Variants in KCNH7 observed in about 807,000 individuals in gnomAD.
KCNH7 encodes potassium voltage-gated channel subfamily H member 7, also known as voltage-gated inwardly rectifying potassium channel KCNH7.
In KCNH7, 49 loss-of-function variants were observed where a neutral mutation model predicts 120.8. That is an observed-to-expected ratio of 0.41 (90% confidence interval 0.32 to 0.51). KCNH7 has a LOEUF of 0.51. KCNH7 is among the 20% of genes least tolerant of loss of function. KCNH7 has a pLI of 0.38. For missense variants in KCNH7, 1,097 were observed against 1,446.6 expected (o/e 0.76, Z 3.92); for synonymous variants, 547 against 516.1 (o/e 1.06, Z -0.81).
At chr2:162,424,093 A>G (rs1429518911) in intron 8 of KCNH7, among the ~76,000 whole-genome samples, 1 of 152,158 alleles carries the variant, frequency 6.6e-6, no homozygotes, top group African/African-American at 2.4e-5. Context: ...TTAAGAAACC[A>G]GTTTCCTTAG....
intron 3 of KCNH7, among the ~76,000 whole-genome samples, chr2:162,532,628 A>G (rs781258546): frequency 5.3e-5 from 8 of 151,972 alleles, no homozygotes; most frequent in Non-Finnish European, 1.2e-4. Context: ...CTCTGAAAAT[A>G]TTTTACCCAC....
Position 162,373,588 on chromosome 2 carries a change from G to A in KCNH7, c.3206C>T (p.Pro1069Leu). ...LLQKQTTVVPPAYSMVTAGSE... is the reference protein window; with the variant it reads ...LLQKQTTVVPLAYSMVTAGSE... ...TCCTGCTGTTACCATACTGTAGGCT[G>A]GGGGGACCACAGTGGTTTGTTTCTG... The change falls in exon 15 of 16, where the codon CCA (proline) becomes CTA (leucine). Residue 1069 changes from proline to leucine, a missense_variant. This residue lies in a region of KCNH7 where 406 missense variants were observed against 410.5 expected (regional missense o/e 0.99). Transcript: ENST00000332142. 6.3e-7 allele frequency: 1 copy of A among 1,580,386 alleles called. No homozygotes were observed. The highest frequency in any genetic ancestry group is 8.6e-7 in the Non-Finnish European group (1 of 1,162,674).
In KCNH7 at chr2:162,425,353, G is replaced by T. The variant is rs79010156; in HGVS notation, c.1955-1818C>A. 3.7e-3 allele frequency among the ~76,000 whole-genome samples: 564 copies of T among 152,062 alleles called. 5 individuals are homozygous for T. The highest frequency in any genetic ancestry group is 0.013 in the African/African-American group (544 of 41,446). On this transcript the variant is annotated intron_variant, in intron 8 of 15. Coordinates refer to ENST00000332142, the MANE Select transcript of KCNH7 (RefSeq NM_033272.4). ...TCTGGACTTCCAGACTAATACAGGA[G>T]ATCTCTAGTGAGGCTGAATTGGCAT... is the stretch of plus-strand genomic sequence containing the variant.
At chr2:162,596,604 G>A (rs571111939) in intron 2 of KCNH7, among the ~76,000 whole-genome samples, 194 of 152,120 alleles carry the variant, frequency 1.3e-3, no homozygotes, top group African/African-American at 4.3e-3. Flanking sequence ...TAAACTTCTA[G>A]AAGAAAACAT....
intron 4 of KCNH7, among the ~76,000 whole-genome samples, chr2:162,514,582 T>C (rs865997755): frequency 6.6e-6 from 1 of 151,778 alleles, no homozygotes; most frequent in African/African-American, 2.4e-5. Flanking sequence ...GGAGTAAATA[T>C]TTAGAATCTT....
chr2:162,409,573 C>A (rs953576197), intron 9 of KCNH7, among the ~76,000 whole-genome samples: 2 of 151,736 alleles, frequency 1.3e-5, no homozygotes, highest in Non-Finnish European at 2.9e-5. Context: ...AATCTATAAC[C>A]AGAAGTCCTA....
intron 10 of KCNH7, 21 bp downstream of exon 10, chr2:162,400,168 A>G (rs1209837182): frequency 1.9e-6 from 3 of 1,609,596 alleles, no homozygotes; most frequent in East Asian, 4.5e-5. Context: ...ATCTGTCACC[A>G]TGCACTTCTA....
chr2:162,629,656 C>G (rs911550466), intron 2 of KCNH7, among the ~76,000 whole-genome samples: 1 of 152,002 alleles, frequency 6.6e-6, no homozygotes, highest in African/African-American at 2.4e-5. Flanking sequence ...CACAAGCTCT[C>G]CAAAGCCAAT....
chr2:162,547,131 C>T (rs1692508081), intron 2 of KCNH7, among the ~76,000 whole-genome samples: 1 of 152,044 alleles, frequency 6.6e-6, no homozygotes, highest in Non-Finnish European at 1.5e-5. Flanking sequence ...GCGCGTGTGT[C>T]AGCGGAGGAA....
At chr2:162,492,100 C>T (rs960990913) in intron 6 of KCNH7, among the ~76,000 whole-genome samples, 1 of 152,184 alleles carries the variant, frequency 6.6e-6, no homozygotes, top group African/African-American at 2.4e-5. Flanking sequence ...GACTTCTGGC[C>T]TCCCTCTCCC....
intron 6 of KCNH7, among the ~76,000 whole-genome samples, chr2:162,498,216 T>C (rs1435536103): frequency 1.3e-5 from 2 of 152,086 alleles, no homozygotes; most frequent in East Asian, 3.9e-4. Context: ...TCCTCTTATG[T>C]AATAAAGGCC....
chr2:162,436,602 G>A (rs916172298), intron 7 of KCNH7, among the ~76,000 whole-genome samples: 4 of 151,992 alleles, frequency 2.6e-5, no homozygotes, highest in Non-Finnish European at 5.9e-5. Flanking sequence ...AATTCACAGG[G>A]CATATAATTA....
chr2:162,642,094 T>A (rs141448792), intron 2 of KCNH7, among the ~76,000 whole-genome samples: 2 of 152,222 alleles, frequency 1.3e-5, no homozygotes, highest in African/African-American at 4.8e-5. Context: ...AATAGATAAG[T>A]ATAGAGTACG....
intron 2 of KCNH7, among the ~76,000 whole-genome samples, chr2:162,676,195 C>T (rs1365350890): frequency 1.3e-5 from 2 of 151,422 alleles, no homozygotes; most frequent in African/African-American, 4.8e-5. Context: ...AAAAGGCTAC[C>T]TTCCATGCAG....
In KCNH7 at chr2:162,400,350, G is replaced by GCCC. The variant is rs757276514; in HGVS notation, c.2243_2245dup (p.Gly748dup). The GCCC allele has an allele frequency of 6.2e-7, 1 of 1,612,286 alleles. No homozygotes were observed. The highest frequency in any genetic ancestry group is 1.3e-5 in the African/African-American group (1 of 74,754). Reference sequence around the variant, plus strand: ...CAAAGCTCTAAGGCAACCTTTACTTGCCCCCCGAAAGGCTTTGCAGTTTTG... The same window carrying GCCC: ...CAAAGCTCTAAGGCAACCTTTACTTGCCCCCCCCCGAAAGGCTTTGCAGTTTTG... On this transcript the variant is annotated inframe_insertion, in exon 10 of 16. Transcript: ENST00000332142.
At chr2:162,577,831 G>A (rs1399610432) in intron 2 of KCNH7, among the ~76,000 whole-genome samples, 1 of 151,980 alleles carries the variant, frequency 6.6e-6, no homozygotes, top group East Asian at 1.9e-4. Context: ...ACTATTGTTT[G>A]ATAGAATTTT....
chr2:162,614,740 G>A (rs1230204852), intron 2 of KCNH7, among the ~76,000 whole-genome samples: 4 of 148,436 alleles, frequency 2.7e-5, no homozygotes, highest in Non-Finnish European at 5.9e-5. Flanking sequence ...TTGTAGTGAA[G>A]TATAAAACAT....
At chr2:162,573,518 A>G (rs1693566384) in intron 2 of KCNH7, among the ~76,000 whole-genome samples, 1 of 152,060 alleles carries the variant, frequency 6.6e-6, no homozygotes, top group Non-Finnish European at 1.5e-5. Context: ...TTGCTTGGAA[A>G]TTTACAAAGA....
chr2:162,626,429 G>T (rs904730488), intron 2 of KCNH7, among the ~76,000 whole-genome samples: 8 of 152,064 alleles, frequency 5.3e-5, no homozygotes, highest in Admixed American at 4.6e-4. Flanking sequence ...TAGAAAAGAG[G>T]AAGTTTAACA....
Sources: allele counts gnomAD v4.1 joint callset (sites outside exome capture counted in the v4.1 genomes callset), GRCh38; gene constraint gnomAD v4.1.1; regional missense constraint gnomAD v4.1.1; transcripts MANE v1.5; gene names NCBI Gene and HGNC (gene_info 2026-07-23, HGNC 2026-07-21).